MAEA: variants seen among roughly 807,000 people sequenced by gnomAD.
The protein encoded by MAEA is E3 ubiquitin-protein transferase MAEA.
In MAEA, 22 loss-of-function variants were observed where a neutral mutation model predicts 46.2. The ratio of observed to expected loss-of-function variants is 0.48; its 90% confidence interval spans 0.34 to 0.68. MAEA has a LOEUF of 0.68. Ranked by LOEUF, MAEA falls within the 30% of genes least tolerant of loss-of-function variation. The pLI is 0.01. For missense variants in MAEA, 393 were observed against 558.1 expected, an observed-to-expected ratio of 0.70 and a Z score of 2.98; for synonymous variants, 246 against 222.6, an observed-to-expected ratio of 1.11 and a Z score of -0.94.
chr4:1,318,109 C>G (rs150223394), intron 3 of MAEA, among the ~76,000 whole-genome samples: 4 of 152,180 alleles, frequency 2.6e-5, no homozygotes, highest in Admixed American at 1.3e-4. Flanking sequence ...CCCGTGTGCC[C>G]GGCTTCCCCC....
intron 5 of MAEA, chr4:1,328,679 T>A (rs1228791767): frequency 7.8e-7 from 1 of 1,280,272 alleles, no homozygotes; most frequent in African/African-American, 1.5e-5. Flanking sequence ...TTTGGAGAAG[T>A]GGGCGTCTCA....
intron 4 of MAEA, among the ~76,000 whole-genome samples, chr4:1,327,206 C>G (rs528848276): frequency 6.6e-6 from 1 of 152,366 alleles, no homozygotes; most frequent in South Asian, 2.1e-4. Flanking sequence ...GGTCCAGAGG[C>G]CCGGTGGGAG....
At position 1,336,897 on chromosome 4, in the gene MAEA, C is replaced by G; in HGVS notation, c.802C>G (p.Gln268Glu). 6.2e-7 allele frequency: 1 copy of G among 1,614,000 alleles called. No individual in the cohort carries two copies. Among genetic ancestry groups the G allele is most frequent in the Non-Finnish European group, 8.5e-7 (1 of 1,180,000 alleles). Residue 268 changes from glutamine to glutamate, a missense_variant, in exon 7 of 9, where the codon CAG (glutamine) becomes GAG (glutamate). By Grantham distance (29) the Gln-to-Glu change is conservative (BLOSUM62 2). Transcript: ENST00000303400. ...CCCTGCACGGTGGCGGATGCTGATC[C>G]AGCAGTTCCGGTACGACAACTACCG... ...LDPARWRMLIQQFRYDNYRLH... is the reference protein window; with the variant it reads ...LDPARWRMLIEQFRYDNYRLH...
At chr4:1,297,383 G>A (rs944387444) in intron 1 of MAEA, among the ~76,000 whole-genome samples, 1 of 151,170 alleles carries the variant, frequency 6.6e-6, no homozygotes, top group Non-Finnish European at 1.5e-5. Context: ...CCTCCCAAGC[G>A]TTTACACTTC....
chr4:1,309,383 T>G, intron 1 of MAEA: 2 of 1,228,954 alleles, frequency 1.6e-6, no homozygotes, highest in Non-Finnish European at 2.0e-6. Flanking sequence ...GAGGGGAGCT[T>G]TTAGGGCCCG....
intron 1 of MAEA, chr4:1,310,084 C>T (rs1577163760): frequency 6.0e-6 from 6 of 1,001,518 alleles, no homozygotes; most frequent in African/African-American, 1.7e-5. Flanking sequence ...ACTTTCTGTC[C>T]TGCTCTTGTG....
intron 3 of MAEA, among the ~76,000 whole-genome samples, chr4:1,316,615 ACCT>A (rs1010963105): frequency 2.0e-5 from 3 of 151,582 alleles, no homozygotes; most frequent in African/African-American, 4.9e-5. Context: ...TCCTCAGCCC[ACCT>A]CCTCCCTGCT....
chr4:1,330,122 A>C (rs1711508175), intron 5 of MAEA: 1 of 985,338 alleles, frequency 1.0e-6, no homozygotes, highest in East Asian at 1.1e-4. Flanking sequence ...ATGCAAAAGT[A>C]TGAGCTGCTA....
At position 1,322,471 on chromosome 4, in the gene MAEA, C is replaced by T. The variant is rs750204938; in HGVS notation, c.547C>T (p.His183Tyr). ...GACGGCCACCTGCCTGGCCTGGTGC[C>T]ATGACAACAAGTCCCGGCTCCGGAA... ...RETATCLAWC[H>Y]DNKSRLRKMK... is the part of the protein sequence containing the mutation. Residue 183 changes from histidine (H) to tyrosine (Y), a missense_variant, in exon 4 of 9, where the codon CAT becomes TAT. His to Tyr is a moderately conservative substitution (Grantham distance 83, BLOSUM62 2). Transcript: ENST00000303400. 5 of 1,613,946 alleles carry T rather than the reference C, an allele frequency of 3.1e-6. No individual in the cohort carries two copies. Among genetic ancestry groups the T allele is most frequent in the Non-Finnish European group, 4.2e-6 (5 of 1,180,014 alleles).
chr4:1,315,288 C>G, intron 2 of MAEA, 109 bp from the exon 3 acceptor site: 1 of 1,051,558 alleles, frequency 9.5e-7, no homozygotes, highest in Non-Finnish European at 1.4e-6. Flanking sequence ...GTCCCGTAAT[C>G]CCTGCTTTTC....
intron 1 of MAEA, among the ~76,000 whole-genome samples, chr4:1,300,348 AGAAG>A (rs1318440452): frequency 6.6e-6 from 1 of 152,254 alleles, no homozygotes; most frequent in Non-Finnish European, 1.5e-5. Context: ...AGGGACACCA[AGAAG>A]GGCTGGGCCT....
intron 1 of MAEA, among the ~76,000 whole-genome samples, chr4:1,300,623 G>C (rs994664373): frequency 6.6e-6 from 1 of 152,388 alleles, no homozygotes; most frequent in East Asian, 1.9e-4. Context: ...CGTGGCGTGC[G>C]TGTGTGCCGC....
At chr4:1,302,769 C>T (rs79143022) in intron 1 of MAEA, among the ~76,000 whole-genome samples, 13,538 of 152,184 alleles carry the variant, frequency 0.089, 1,262 homozygotes, top group East Asian at 0.42. Flanking sequence ...CGTGAGCCAC[C>T]GCGCCCAGCC....
At chr4:1,301,128 C>G (rs1735279937) in intron 1 of MAEA, among the ~76,000 whole-genome samples, 1 of 152,252 alleles carries the variant, frequency 6.6e-6, no homozygotes. Context: ...TGGGGAAATT[C>G]TTCCTTCCCG....
intron 1 of MAEA, chr4:1,309,393 G>A (rs1003208408): frequency 3.2e-6 from 4 of 1,248,338 alleles, no homozygotes; most frequent in East Asian, 6.2e-5. Flanking sequence ...TTTAGGGCCC[G>A]GAGTCACGTG....
chr4:1,311,641 T>C lies in MAEA; in HGVS notation c.70-338T>C, dbSNP rs1251652543. ...CCGGCCAGGCCTGTGTTTTACCGTC[T>C]GATAGCCTCACACCCCGGTCACTCC... On this transcript the variant is annotated intron_variant, in intron 1 of 8. Coordinates refer to ENST00000303400, the MANE Select transcript of MAEA (RefSeq NM_001017405.3). The surrounding 1 kb of genome is among the most constrained non-coding windows in gnomAD (Gnocchi z 4.4). Among the ~76,000 whole-genome samples the C allele has an allele frequency of 6.6e-6, 1 of 152,222 alleles. No homozygotes were observed. The highest frequency in any genetic ancestry group is 6.5e-5 in the Admixed American group (1 of 15,288).
At chr4:1,314,999 AG>A (rs1311281570) in intron 2 of MAEA, among the ~76,000 whole-genome samples, 22 of 152,236 alleles carry the variant, frequency 1.4e-4, no homozygotes, top group Admixed American at 7.2e-4. Context: ...GTTTCTATCT[AG>A]CCCGATTCAT....
chr4:1,319,112 G>C (rs1346932135), intron 3 of MAEA, among the ~76,000 whole-genome samples: 2 of 152,218 alleles, frequency 1.3e-5, no homozygotes, highest in East Asian at 3.8e-4. Flanking sequence ...AGCACTCTGG[G>C]AGGCTGAGGC....
chr4:1,308,614 G>A (rs780626829), intron 1 of MAEA, among the ~76,000 whole-genome samples: 4 of 152,326 alleles, frequency 2.6e-5, no homozygotes, highest in Admixed American at 6.5e-5. Context: ...CCGTCCTAAC[G>A]GGCACGAGGT....
Sources: gnomAD v4.1 joint callset for allele counts (sites outside exome capture counted in the v4.1 genomes callset) on GRCh38, gnomAD v4.1.1 for gene constraint, Gnocchi (gnomAD v3.1) non-coding constraint, MANE v1.5 for transcripts, NCBI Gene and HGNC (gene_info 2026-07-23, HGNC 2026-07-21) for gene names.